DMBT1: variants seen among roughly 807,000 people sequenced by gnomAD.
DMBT1 encodes scavenger receptor cysteine-rich domain-containing protein DMBT1.
Under a neutral mutation model 252.9 loss-of-function variants are expected in DMBT1, and 198 were observed. The ratio of observed to expected loss-of-function variants is 0.78; its 90% CI spans 0.70 to 0.88. The LOEUF (loss-of-function observed/expected upper bound fraction) is 0.88. Among genes scored for constraint, DMBT1 ranks in the 40% least tolerant of loss-of-function variants. The pLI, the probability that DMBT1 is intolerant of heterozygous loss-of-function variation, is 0.00. For missense variants in DMBT1, 2,432 were observed against 2,404.7 expected (o/e 1.01, Z -0.24); for synonymous variants, 990 against 942.7 (o/e 1.05, Z -0.92).
At position 122,631,140 on chromosome 10, in the gene DMBT1, T is replaced by A; in HGVS notation, c.6205T>A (p.Tyr2069Asn). 1 of 1,613,952 alleles carries A rather than the reference T, an allele frequency of 6.2e-7. No individual in the cohort carries two copies. Among genetic ancestry groups the A allele is most frequent in the Non-Finnish European group, 8.5e-7 (1 of 1,179,880 alleles). Residue 2069 changes from tyrosine to asparagine, a missense_variant, in exon 49 of 56, where the codon TAT (tyrosine) becomes AAT (asparagine). Around this residue, in one of 3 missense-constraint regions of DMBT1, gnomAD observed 1,162 missense variants for 1,169.0 expected, o/e 0.99. Transcript: ENST00000338354. ...TGCAGTTTCAGCCCTTGGAAATGCA[T>A]ATTTTGGCTCTGGCTCTGGCCCCAT... ...GRAVSALGNA[Y>N]FGSGSGPITL...
At chr10:122,634,175 G>A (rs1187354765) in intron 52 of DMBT1, among the ~76,000 whole-genome samples, 1 of 152,162 alleles carries the variant, frequency 6.6e-6, no homozygotes, top group Non-Finnish European at 1.5e-5. Context: ...AATTGTATCT[G>A]TTTTGTGGAA....
At chr10:122,567,814 G>T (rs866552153) in intron 2 of DMBT1, among the ~76,000 whole-genome samples, 7 of 152,190 alleles carry the variant, frequency 4.6e-5, no homozygotes, top group African/African-American at 1.7e-4. Flanking sequence ...TGGAAAAGTA[G>T]GTCGAGGCTT....
At chr10:122,618,443 T>G in intron 41 of DMBT1, 103 bp downstream of exon 41, 1 of 1,567,868 alleles carries the variant, frequency 6.4e-7, no homozygotes, top group Non-Finnish European at 8.6e-7. Flanking sequence ...TTTTCTATGT[T>G]TTCTATATTT....
In DMBT1 at chr10:122,631,884, C is replaced by G; in HGVS notation, c.6367+9C>G. ...CCATCTATCGACACCTGGTAAGTCC[C>G]TCCGATTTCCATTCCACTTCCCTGG... On this transcript the variant is annotated intron_variant, in intron 50 of 55. Transcript: ENST00000338354. The G allele has an allele frequency of 6.2e-7, 1 of 1,613,744 alleles. No individual in the cohort carries two copies. The highest frequency in any genetic ancestry group is 8.5e-7 in the Non-Finnish European group (1 of 1,179,704).
chr10:122,591,546 G>T, intron 19 of DMBT1, 29 bp downstream of exon 19: 1 of 1,569,644 alleles, frequency 6.4e-7, no homozygotes, highest in Non-Finnish European at 8.7e-7. Context: ...CCTCCCTAGG[G>T]CTCACTCTCT....
At chr10:122,598,654 C>G in intron 25 of DMBT1, 120 bp from the exon 26 acceptor site, 1 of 1,559,154 alleles carries the variant, frequency 6.4e-7, no homozygotes, top group Non-Finnish European at 8.7e-7. Context: ...TATTCATATT[C>G]AAAGGTGACT....
chr10:122,579,933 T>G (rs4339974), intron 10 of DMBT1, 32 bp downstream of exon 10: 180 of 1,613,172 alleles, frequency 1.1e-4, no homozygotes, highest in Non-Finnish European at 1.5e-4. Context: ...CTCACTCTCT[T>G]GGGGTGGAGT....
chr10:122,599,167 T>C, intron 26 of DMBT1, 70 bp downstream of exon 26: 1 of 1,609,618 alleles, frequency 6.2e-7, no homozygotes, highest in Non-Finnish European at 8.5e-7. Context: ...CCTAATTACA[T>C]TCTGATCTCC....
Position 122,630,001 on chromosome 10 carries a change from A to G in DMBT1, c.5822+8A>G. Reference sequence around the variant, plus strand: ...GGGCTTCAGTAATCTGAAGTAAGTAATGCCTGGTCATCTGGTGAGGGGTGA... The same window carrying G: ...GGGCTTCAGTAATCTGAAGTAAGTAGTGCCTGGTCATCTGGTGAGGGGTGA... On this transcript the variant is annotated splice_region_variant and intron_variant, in intron 47 of 55. Transcript: ENST00000338354. 6.2e-7 allele frequency: 1 copy of G among 1,613,894 alleles called. No homozygotes were observed. The highest frequency in any genetic ancestry group is 8.5e-7 in the Non-Finnish European group (1 of 1,179,830).
chr10:122,592,250 G>C, intron 19 of DMBT1, 22 bp from the exon 20 acceptor site: 1 of 1,584,718 alleles, frequency 6.3e-7, no homozygotes, highest in Non-Finnish European at 8.6e-7. Context: ...GATGGATAAA[G>C]GGTTCTTGTG....
intron 15 of DMBT1, 24 bp from the exon 16 acceptor site, chr10:122,586,036 A>G (rs1315480797): frequency 6.3e-7 from 1 of 1,587,866 alleles, no homozygotes; most frequent in Non-Finnish European, 8.6e-7. Flanking sequence ...GGGATGGATG[A>G]AGGGTTCTTG....
intron 1 of DMBT1, among the ~76,000 whole-genome samples, chr10:122,565,374 G>T (rs1308390630): frequency 1.3e-5 from 2 of 152,038 alleles, no homozygotes; most frequent in African/African-American, 4.8e-5. Flanking sequence ...ATATATAAAA[G>T]TTGTTAAATA....
chr10:122,623,733 T>G (rs2098092244), intron 44 of DMBT1, among the ~76,000 whole-genome samples: 1 of 152,228 alleles, frequency 6.6e-6, no homozygotes, highest in Non-Finnish European at 1.5e-5. Flanking sequence ...TTATAGATAC[T>G]AAGCTGAAGG....
Position 122,598,790 on chromosome 10 carries a change from G to T in DMBT1, c.2973G>T (p.Leu991Phe), listed in dbSNP as rs2097910373. 2 of 1,613,338 alleles carry T rather than the reference G, an allele frequency of 1.2e-6. No homozygotes were observed. The highest frequency in any genetic ancestry group is 1.7e-6 in the Non-Finnish European group (2 of 1,179,734). ...PASTVGSESS[L>F]ALRLVNGGDR... ...CCCCTGTAGGATCTGAATCCAGTTT[G>T]GCCCTGAGGCTGGTGAATGGAGGTG... Residue 991 changes from leucine (L) to phenylalanine (F), a missense_variant, in exon 26 of 56, where the codon TTG becomes TTT. Coordinates refer to ENST00000338354, the MANE Select transcript of DMBT1 (RefSeq NM_001377530.1).
intron 43 of DMBT1, among the ~76,000 whole-genome samples, 194 bp from the exon 44 acceptor site, chr10:122,620,863 A>C (rs1403648226): frequency 6.6e-6 from 1 of 152,208 alleles, no homozygotes; most frequent in Non-Finnish European, 1.5e-5. Context: ...TTGAGCTTCC[A>C]TAGACTTGGG....
intron 6 of DMBT1, among the ~76,000 whole-genome samples, chr10:122,574,842 A>T (rs1259311157): frequency 6.6e-6 from 1 of 152,200 alleles, no homozygotes; most frequent in Non-Finnish European, 1.5e-5. Context: ...AGGACTGCAG[A>T]TAGGACTTAC....
intron 45 of DMBT1, among the ~76,000 whole-genome samples, chr10:122,625,685 T>C (rs3019534): frequency 0.43 from 65,615 of 152,082 alleles, 14,788 homozygotes; most frequent in African/African-American, 0.57. Flanking sequence ...AAATAAAGAA[T>C]ACTTTCACTT....
chr10:122,590,436 C>T (rs1398917293), intron 17 of DMBT1, among the ~76,000 whole-genome samples: 1 of 148,654 alleles, frequency 6.7e-6, no homozygotes, highest in Non-Finnish European at 1.5e-5. Flanking sequence ...AACCTGATTA[C>T]TGTGGGTAGA....
chr10:122,577,827 A>G lies in DMBT1; in HGVS notation c.624A>G (p.Ser208=). The G allele has an allele frequency of 6.2e-7, 1 of 1,613,558 alleles. No homozygotes were observed. Among genetic ancestry groups the G allele is most frequent in the Middle Eastern group, 1.7e-4 (1 of 6,046 alleles). Residue 208 remains serine (S), a synonymous_variant, in exon 8 of 56, where the codon TCA becomes TCG. Coordinates refer to ENST00000338354, the MANE Select transcript of DMBT1 (RefSeq NM_001377530.1). The part of the protein sequence containing the change: ...GVICSAAQPQ[S]TLRPESWPVR... ...TTCTCACAGCTGCCCAGCCTCAGTC[A>G]ACACTCAGGCCAGGTGAGTCCCCAG...
Sources: gnomAD v4.1 joint callset for allele counts (sites outside exome capture counted in the v4.1 genomes callset) on GRCh38, gnomAD v4.1.1 for gene constraint, gnomAD v4.1.1 regional missense constraint, MANE v1.5 for transcripts, NCBI Gene and HGNC (gene_info 2026-07-23, HGNC 2026-07-21) for gene names.